FNIP1: variants seen among roughly 807,000 people sequenced by gnomAD.
FNIP1 encodes folliculin interacting protein 1, also known as folliculin-interacting protein 1.
FNIP1 carries 40 observed loss-of-function variants against 124.5 expected under a neutral mutation model. The ratio of observed to expected loss-of-function variants is 0.32; its 90% confidence interval spans 0.25 to 0.42. FNIP1 has a LOEUF of 0.42. Among genes scored for constraint, FNIP1 ranks in the 10% least tolerant of loss-of-function variants. FNIP1 has a pLI of 1.00. For missense variants in FNIP1, 1,176 were observed against 1,403.7 expected, an observed-to-expected ratio of 0.84 and a Z score of 2.59; for synonymous variants, 472 against 470.6, an observed-to-expected ratio of 1.00 and a Z score of -0.04.
At chr5:131,733,193 T>C (rs1387787133) in intron 2 of FNIP1, among the ~76,000 whole-genome samples, 4 of 152,238 alleles carry the variant, frequency 2.6e-5, no homozygotes, top group Non-Finnish European at 5.9e-5. Context: ...TCCTGAGACT[T>C]TGCTGAAGTT....
rs768830152 is a variant in FNIP1, at chr5:131,651,889, C to G, written c.3219G>C (p.Leu1073Phe). Residue 1073 changes from leucine (L) to phenylalanine (F), a missense_variant, in exon 16 of 18, where the codon TTG (leucine) becomes TTC (phenylalanine). Around this residue, in one of 2 missense-constraint regions of FNIP1, gnomAD observed 67 missense variants for 115.2 expected, o/e 0.58. Transcript: ENST00000510461. Reference sequence around the variant, plus strand: ...GACTGGAAACCAATACTTCCTTTCCCAATTTATTATCTGTCACTCGTCTCT... The same window carrying G: ...GACTGGAAACCAATACTTCCTTTCCGAATTTATTATCTGTCACTCGTCTCT... ...SSQRRVTDNKLGKEVLVSSLV... is the reference protein window; with the variant it reads ...SSQRRVTDNKFGKEVLVSSLV... 6.2e-7 allele frequency: 1 copy of G among 1,614,122 alleles called. No homozygotes were observed. Among genetic ancestry groups the G allele is most frequent in the South Asian group, 1.1e-5 (1 of 91,074 alleles).
chr5:131,740,577 G>C lies in FNIP1; in HGVS notation c.219+3987C>G, dbSNP rs12189307. On this transcript the variant is annotated intron_variant, in intron 2 of 17. Transcript: ENST00000510461. The stretch of plus-strand genomic sequence containing the variant: ...AACAATGTCTAGGATAAGGATAATA[G>C]TGTGATAAAATCAGAATGGATCCAT... Among the ~76,000 whole-genome samples the C allele has an allele frequency of 9.5e-3, 1,449 of 152,306 alleles. 5 individuals carry two copies. The highest frequency in any genetic ancestry group is 0.015 in the Non-Finnish European group (1,046 of 68,024).
rs377313357 is a variant in FNIP1, at chr5:131,723,379, A to T, written c.355-3962T>A. ...TAGATTTTACTATTATACAAATAAA[A>T]TAATCCCCAGAAAGCAAAATACAGT... is the stretch of plus-strand genomic sequence containing the variant. On this transcript the variant is annotated intron_variant, in intron 3 of 17. Coordinates refer to ENST00000510461, the MANE Select transcript of FNIP1 (RefSeq NM_133372.3). Among the ~76,000 whole-genome samples the T allele has an allele frequency of 3.0e-4, 46 of 152,340 alleles. No homozygotes were observed. In the East Asian group the frequency reaches 8.7e-3, roughly 29 times the overall value.
chr5:131,689,248 G>A (rs1423110091), intron 11 of FNIP1, among the ~76,000 whole-genome samples: 1 of 151,042 alleles, frequency 6.6e-6, no homozygotes, highest in Non-Finnish European at 1.5e-5. Flanking sequence ...AAAAGGAAAA[G>A]AGAAAGACTT....
intron 3 of FNIP1, among the ~76,000 whole-genome samples, chr5:131,723,005 A>G (rs1359458035): frequency 6.6e-6 from 1 of 152,212 alleles, no homozygotes; most frequent in Admixed American, 6.5e-5. Context: ...TTTTTAAGAA[A>G]AAAGTCATTT....
At position 131,644,635 on chromosome 5, in the gene FNIP1, C is replaced by G. The variant is rs374271114; in HGVS notation, c.*50G>C. ...CCATAAATGCATGTTGTGTCTGCTT[C>G]CTTGGTTTCTACCTATTTTCCCACC... is the stretch of plus-strand genomic sequence containing the variant. On this transcript the variant is annotated 3_prime_UTR_variant, in exon 18 of 18. Coordinates refer to ENST00000510461, the MANE Select transcript of FNIP1 (RefSeq NM_133372.3). The G allele has an allele frequency of 8.0e-6, 12 of 1,497,700 alleles. No homozygotes were observed. The highest frequency in any genetic ancestry group is 1.1e-5 in the Non-Finnish European group (12 of 1,076,050). 92.8% of individuals were successfully genotyped at this position (1,497,700 alleles called of 1,614,324 possible). A position where few individuals can be genotyped will look rare whatever the true frequency, so the allele number is the denominator to read the frequency against.
chr5:131,690,268 G>A (rs889500118), intron 11 of FNIP1, among the ~76,000 whole-genome samples: 2 of 151,880 alleles, frequency 1.3e-5, no homozygotes, highest in African/African-American at 4.8e-5. Flanking sequence ...TAAAAGTTAA[G>A]GTATAGAAAA....
At chr5:131,786,192 T>C (rs1226902842) in intron 1 of FNIP1, among the ~76,000 whole-genome samples, 1 of 152,242 alleles carries the variant, frequency 6.6e-6, no homozygotes, top group Non-Finnish European at 1.5e-5. Flanking sequence ...CTTTTTCAGT[T>C]CAGTGACTAT....
chr5:131,750,966 T>C (rs1351688945), intron 1 of FNIP1, among the ~76,000 whole-genome samples: 2 of 152,216 alleles, frequency 1.3e-5, no homozygotes, highest in African/African-American at 4.8e-5. Context: ...TGGGCTTCAC[T>C]GGATATGTGG....
chr5:131,654,581 TCTAGCTTTA>T (rs1313174419), intron 15 of FNIP1, among the ~76,000 whole-genome samples: 1 of 151,962 alleles, frequency 6.6e-6, no homozygotes, highest in Admixed American at 6.6e-5. Flanking sequence ...AATAAATACA[TCTAGCTTTA>T]AAAAAAATGT....
chr5:131,749,185 A>C (rs2149563983), intron 1 of FNIP1, among the ~76,000 whole-genome samples: 1 of 152,318 alleles, frequency 6.6e-6, no homozygotes. Flanking sequence ...GGTTAATTTT[A>C]TTATTGAAGA....
intron 15 of FNIP1, among the ~76,000 whole-genome samples, chr5:131,666,815 G>C (rs1182110528): frequency 1.3e-5 from 2 of 152,174 alleles, no homozygotes; most frequent in South Asian, 2.1e-4. Context: ...TTCAGCAGGA[G>C]ACAGCAATGT....
intron 13 of FNIP1, among the ~76,000 whole-genome samples, chr5:131,675,627 T>G (rs956142263): frequency 6.6e-6 from 1 of 152,142 alleles, no homozygotes; most frequent in African/African-American, 2.4e-5. Flanking sequence ...TACTGCATGA[T>G]TCCATTCATA....
In FNIP1 at chr5:131,644,602, A is replaced by C. The variant is rs1766813047; in HGVS notation, c.*83T>G. ...TTCAGATGGAAGTCTAAAAGGGAAA[A>C]AGAATCTCCATAAATGCATGTTGTG... is the stretch of plus-strand genomic sequence containing the variant. On this transcript the variant is annotated 3_prime_UTR_variant, in exon 18 of 18. Coordinates refer to ENST00000510461, the MANE Select transcript of FNIP1 (RefSeq NM_133372.3). The C allele has an allele frequency of 8.3e-7, 1 of 1,212,108 alleles. No homozygotes were observed. The highest frequency in any genetic ancestry group is 1.5e-5 in the African/African-American group (1 of 67,040). The allele number at this position is 1,212,108 out of a possible 1,614,324, so 75.1% of individuals were successfully genotyped here. A position where few individuals can be genotyped will look rare whatever the true frequency, so the allele number is the denominator to read the frequency against.
intron 6 of FNIP1, among the ~76,000 whole-genome samples, chr5:131,715,557 G>C (rs889923706): frequency 6.6e-6 from 1 of 152,074 alleles, no homozygotes; most frequent in Admixed American, 6.5e-5. Context: ...GCTTTGAAAA[G>C]TATCAAATTA....
chr5:131,770,807 C>G (rs1349041999), intron 1 of FNIP1, among the ~76,000 whole-genome samples: 1 of 152,074 alleles, frequency 6.6e-6, no homozygotes, highest in Non-Finnish European at 1.5e-5. Context: ...GTGATTATCA[C>G]GTGAAGAAAA....
At chr5:131,695,868 A>G (rs796529138) in intron 11 of FNIP1, among the ~76,000 whole-genome samples, 5 of 152,356 alleles carry the variant, frequency 3.3e-5, no homozygotes, top group African/African-American at 1.2e-4. Flanking sequence ...TTGAGAAAAC[A>G]GAAAACCACT....
chr5:131,728,143 C>T (rs148953105), intron 3 of FNIP1, among the ~76,000 whole-genome samples: 2,861 of 152,182 alleles, frequency 0.019, 92 homozygotes, highest in African/African-American at 0.064. Context: ...GTGAATCTGA[C>T]GATTATGTGT....
At chr5:131,716,314 T>C (rs1769465326) in intron 6 of FNIP1, among the ~76,000 whole-genome samples, 1 of 152,176 alleles carries the variant, frequency 6.6e-6, no homozygotes, top group African/African-American at 2.4e-5. Context: ...CGAAAAACAA[T>C]GAAGACAAAT....
Sources: gnomAD v4.1 joint callset for allele counts (sites outside exome capture counted in the v4.1 genomes callset) on GRCh38, gnomAD v4.1.1 for gene constraint, gnomAD v4.1.1 regional missense constraint, MANE v1.5 for transcripts, NCBI Gene and HGNC (gene_info 2026-07-23, HGNC 2026-07-21) for gene names.